FRYL: variants seen among roughly 807,000 people sequenced by gnomAD.
FRYL encodes protein furry homolog-like.
In FRYL, 150 loss-of-function variants were observed where a neutral mutation model predicts 351.2. The ratio of observed to expected loss-of-function variants is 0.43; its 90% CI spans 0.37 to 0.49. The LOEUF (loss-of-function observed/expected upper bound fraction) is 0.49, where lower values mean the gene tolerates loss of function less well. Among genes scored for constraint, FRYL ranks in the 20% least tolerant of loss-of-function variants. FRYL has a pLI of 0.00. For synonymous variants in FRYL, 1,153 were observed against 1,257.1 expected, an observed-to-expected ratio of 0.92 and a Z score of 1.75; for missense variants, 3,036 against 3,619.3, an observed-to-expected ratio of 0.84 and a Z score of 4.13.
At chr4:48,713,624 G>C (rs546480906) in intron 1 of FRYL, among the ~76,000 whole-genome samples, 10 of 152,238 alleles carry the variant, frequency 6.6e-5, no homozygotes, top group African/African-American at 2.4e-4. Flanking sequence ...CATAAAGCAA[G>C]TCCTGAGTGA....
At chr4:48,559,296 G>C (rs1237164544) in intron 33 of FRYL, among the ~76,000 whole-genome samples, 1 of 151,820 alleles carries the variant, frequency 6.6e-6, no homozygotes, top group African/African-American at 2.4e-5. Context: ...ATGGAAGGAA[G>C]AGTCTGTCTG....
rs185735254 is a variant in FRYL, at chr4:48,539,552, A to G, written c.6393+419T>C. 3.9e-5 allele frequency among the ~76,000 whole-genome samples: 6 copies of G among 152,208 alleles called. No individual in the cohort carries two copies. The East Asian group carries it at 1.2e-3, about 29-fold the overall frequency. On this transcript the variant is annotated intron_variant, in intron 47 of 63. Transcript: ENST00000358350. ...TCCCCCTGCCCCGATAAAATACCAA[A>G]TCAGACTCTCTGATTACTGTCTATT...
intron 16 of FRYL, among the ~76,000 whole-genome samples, chr4:48,591,950 A>G (rs1240714846): frequency 6.6e-6 from 1 of 151,348 alleles, no homozygotes; most frequent in Non-Finnish European, 1.5e-5. Context: ...ATGCTCCTCT[A>G]TCTGCACCAC....
chr4:48,661,186 C>T (rs976439691), intron 3 of FRYL, among the ~76,000 whole-genome samples: 5 of 152,078 alleles, frequency 3.3e-5, no homozygotes, highest in Non-Finnish European at 5.9e-5. Context: ...AAAAGTATTC[C>T]GAAATAAAAA....
rs1221541236 is a variant in FRYL, at chr4:48,623,327, C to A, written c.121-148G>T. On this transcript the variant is annotated intron_variant, in intron 4 of 63. Coordinates refer to ENST00000358350, the MANE Select transcript of FRYL (RefSeq NM_015030.2). ...CTAGATTGTTTTAAAGAAAGATAAG[C>A]CTCCTCTTTGCCCAAGGTCACATGG... The A allele has an allele frequency of 7.4e-6, 4 of 537,204 alleles. No individual in the cohort carries two copies. The Admixed American group carries it at 1.2e-4, about 16-fold the overall frequency. The allele number at this position is 537,204 out of a possible 1,614,324, so 33.3% of individuals were successfully genotyped here.
chr4:48,768,937 C>G (rs1578979886), intron 1 of FRYL, among the ~76,000 whole-genome samples: 1 of 152,244 alleles, frequency 6.6e-6, no homozygotes, highest in East Asian at 1.9e-4. Context: ...TCAAGACCAG[C>G]CTGGACAACA....
chr4:48,632,730 G>A (rs943932342), intron 4 of FRYL, among the ~76,000 whole-genome samples: 4 of 151,974 alleles, frequency 2.6e-5, no homozygotes, highest in Non-Finnish European at 4.4e-5. Flanking sequence ...ATCAGATCCC[G>A]GAACATATTA....
chr4:48,508,972 C>CA (rs1721896406), intron 59 of FRYL, among the ~76,000 whole-genome samples: 1 of 152,166 alleles, frequency 6.6e-6, no homozygotes, highest in Non-Finnish European at 1.5e-5. Flanking sequence ...GGAAGAACAG[C>CA]AAAGTCACAT....
At chr4:48,755,720 T>C (rs35074272) in intron 1 of FRYL, among the ~76,000 whole-genome samples, 5,247 of 152,178 alleles carry the variant, frequency 0.034, 126 homozygotes, top group Middle Eastern at 0.061. Flanking sequence ...TAAAGCACAA[T>C]GACCTTAGAT....
At chr4:48,552,943 A>G (rs752270686) in intron 36 of FRYL, among the ~76,000 whole-genome samples, 4 of 152,152 alleles carry the variant, frequency 2.6e-5, no homozygotes, top group Non-Finnish European at 5.9e-5. Flanking sequence ...TTCATACTCA[A>G]AATATTACAA....
At chr4:48,687,495 G>A (rs1266641499) in intron 2 of FRYL, among the ~76,000 whole-genome samples, 2 of 11,926 alleles carry the variant, frequency 1.7e-4, no homozygotes, top group Non-Finnish European at 5.2e-4. Flanking sequence ...ATGAGGTCGG[G>A]GGGGGGGGGG....
intron 1 of FRYL, among the ~76,000 whole-genome samples, chr4:48,748,705 A>G (rs1459102979): frequency 6.6e-6 from 1 of 152,258 alleles, no homozygotes; most frequent in African/African-American, 2.4e-5. Context: ...AGATGTATCA[A>G]TGAACAAAAC....
rs745965446 is a variant in FRYL, at chr4:48,549,562, C to T, written c.4695G>A (p.Glu1565=). 1 of 1,613,492 alleles carries T rather than the reference C, an allele frequency of 6.2e-7. No individual in the cohort carries two copies. Among genetic ancestry groups the T allele is most frequent in the Admixed American group, 1.7e-5 (1 of 59,954 alleles). ...CTCCAGCTGGTGGGAAGGGCAGTGG[C>T]TCTCCTTGGTTATGCTCCATCACTT... The part of the protein sequence containing the change: ...RLKVMEHNQG[E]PLPFPPAGGC... The change falls in exon 39 of 64, where the codon GAG becomes GAA. Residue 1565 remains glutamate, a synonymous_variant. Transcript: ENST00000358350. This position sits in a 1 kb window ranked among gnomAD's most constrained non-coding sequence, Gnocchi z 4.2.
At position 48,579,164 on chromosome 4, in the gene FRYL, C is replaced by T; in HGVS notation, c.2337G>A (p.Gln779=). The part of the protein sequence containing the change: ...AEWNSSPISH[Q]FDVISPSHIW... ...TATGTGATGGACTAATCACATCAAA[C>T]TGGTGGCTAATAGGAGAAGAGTTCC... The change falls in exon 23 of 64, where the codon CAG becomes CAA. Residue 779 remains glutamine (Q), a synonymous_variant. Coordinates refer to ENST00000358350, the MANE Select transcript of FRYL (RefSeq NM_015030.2). The T allele has an allele frequency of 6.2e-7, 1 of 1,613,620 alleles. No individual in the cohort carries two copies.
chr4:48,548,666 G>A, intron 40 of FRYL, 24 bp downstream of exon 40: 2 of 1,226,574 alleles, frequency 1.6e-6, no homozygotes, highest in Non-Finnish European at 2.4e-6. Context: ...TAACATGAAA[G>A]AATTAGAACC....
At chr4:48,707,096 A>T (rs1767448776) in intron 2 of FRYL, among the ~76,000 whole-genome samples, 1 of 152,222 alleles carries the variant, frequency 6.6e-6, no homozygotes, top group Non-Finnish European at 1.5e-5. Context: ...AGTTTGTTAC[A>T]CAGTAATAGA....
At chr4:48,655,609 G>A (rs1317613950) in intron 3 of FRYL, among the ~76,000 whole-genome samples, 1 of 147,766 alleles carries the variant, frequency 6.8e-6, no homozygotes, top group Non-Finnish European at 1.5e-5. Context: ...AACAAATTCA[G>A]GAAATAAGCC....
chr4:48,566,069 A>G (rs1243896391), intron 28 of FRYL, among the ~76,000 whole-genome samples: 1 of 152,154 alleles, frequency 6.6e-6, no homozygotes, highest in Non-Finnish European at 1.5e-5. Flanking sequence ...ATCTTGGTTC[A>G]CTGGTAAGTA....
At chr4:48,615,917 A>G (rs1380941704) in intron 7 of FRYL, among the ~76,000 whole-genome samples, 5 of 152,188 alleles carry the variant, frequency 3.3e-5, no homozygotes, top group Admixed American at 6.5e-5. Flanking sequence ...CTTTGCAGGG[A>G]CATGGATGAA....
Sources: allele counts gnomAD v4.1 joint callset (sites outside exome capture counted in the v4.1 genomes callset), GRCh38; gene constraint gnomAD v4.1.1; non-coding constraint Gnocchi (gnomAD v3.1); transcripts MANE v1.5; gene names NCBI Gene and HGNC (gene_info 2026-07-23, HGNC 2026-07-21).